The following NPAS3 variants were observed in gnomAD, a reference collection of about 807,000 sequenced individuals.
The protein encoded by NPAS3 is neuronal PAS domain protein 3.
Under a neutral mutation model 73.1 loss-of-function variants are expected in NPAS3, and 14 were observed. That is an observed-to-expected ratio of 0.19 (90% CI 0.13 to 0.30). The LOEUF is 0.30. Among genes scored for constraint, NPAS3 ranks in the 10% least tolerant of loss-of-function variants. The probability of loss-of-function intolerance (pLI) is 1.00; values close to 1 mark genes in which losing one functional copy is unlikely to be tolerated. For missense variants in NPAS3, 1,096 were observed against 1,250.0 expected (o/e 0.88, Z 1.86); for synonymous variants, 620 against 541.5 (o/e 1.14, Z -2.01).
At chr14:33,434,811 C>G (rs2048920037) in intron 4 of NPAS3, among the ~76,000 whole-genome samples, 1 of 152,238 alleles carries the variant, frequency 6.6e-6, no homozygotes, top group East Asian at 1.9e-4. Context: ...ATGAACGGAT[C>G]ATTCACTCTT....
chr14:33,138,571 C>T (rs1047069747), intron 2 of NPAS3, among the ~76,000 whole-genome samples: 1 of 152,144 alleles, frequency 6.6e-6, no homozygotes, highest in African/African-American at 2.4e-5. Context: ...ATTGTGCTTT[C>T]TCTCTGGTCC....
chr14:33,477,427 C>T (rs2051092654), intron 4 of NPAS3, among the ~76,000 whole-genome samples: 1 of 152,222 alleles, frequency 6.6e-6, no homozygotes, highest in South Asian at 2.1e-4. Flanking sequence ...CACCGTCCAT[C>T]CCTAACTCTG....
chr14:33,337,905 G>T (rs7160757), intron 3 of NPAS3, among the ~76,000 whole-genome samples: 1 of 151,614 alleles, frequency 6.6e-6, no homozygotes, highest in Non-Finnish European at 1.5e-5. Flanking sequence ...GTTGATTCTT[G>T]TATACTGATC....
At chr14:33,125,133 A>G (rs1263923305) in intron 2 of NPAS3, among the ~76,000 whole-genome samples, 1 of 152,102 alleles carries the variant, frequency 6.6e-6, no homozygotes, top group Non-Finnish European at 1.5e-5. Flanking sequence ...TTGACTTCTC[A>G]GTGCCCAGAC....
At chr14:33,783,548 T>C (rs1288616080) in intron 9 of NPAS3, among the ~76,000 whole-genome samples, 1 of 146,798 alleles carries the variant, frequency 6.8e-6, no homozygotes, top group Non-Finnish European at 1.5e-5. Flanking sequence ...GGCAGGTTTT[T>C]ATGCAGGGAT....
chr14:33,492,628 T>C (rs1423245347), intron 4 of NPAS3, among the ~76,000 whole-genome samples: 1 of 152,160 alleles, frequency 6.6e-6, no homozygotes, highest in African/African-American at 2.4e-5. Context: ...AGGATACACA[T>C]TGGACATGGT....
At chr14:33,070,192 A>C (rs1427159708) in intron 2 of NPAS3, among the ~76,000 whole-genome samples, 1 of 152,202 alleles carries the variant, frequency 6.6e-6, no homozygotes, top group Non-Finnish European at 1.5e-5. Flanking sequence ...TTTTTGACCA[A>C]ATACAGGAAA....
At chr14:33,312,642 T>C (rs1283780780) in intron 3 of NPAS3, among the ~76,000 whole-genome samples, 1 of 152,196 alleles carries the variant, frequency 6.6e-6, no homozygotes, top group South Asian at 2.1e-4. Flanking sequence ...ATTATACTTA[T>C]GGAATAAGTT....
intron 3 of NPAS3, among the ~76,000 whole-genome samples, chr14:33,365,928 T>C (rs1287903531): frequency 6.6e-6 from 1 of 152,092 alleles, no homozygotes; most frequent in African/African-American, 2.4e-5. Context: ...TTTCTAGAAG[T>C]AAGAAAGTAG....
intron 5 of NPAS3, among the ~76,000 whole-genome samples, chr14:33,566,757 T>C (rs1463187390): frequency 2.6e-5 from 4 of 152,232 alleles, no homozygotes; most frequent in Admixed American, 2.6e-4. Context: ...CTGTCATCTT[T>C]ACATAGAACC....
chr14:33,232,668 T>C (rs1365793485), intron 3 of NPAS3, among the ~76,000 whole-genome samples: 1 of 152,186 alleles, frequency 6.6e-6, no homozygotes, highest in Non-Finnish European at 1.5e-5. Context: ...CCCTTAGCTT[T>C]CGTCTACTTC....
At chr14:33,680,727 GGTGTGA>G in intron 6 of NPAS3, 1 of 684,882 alleles carries the variant, frequency 1.5e-6, no homozygotes, top group East Asian at 2.7e-5. Flanking sequence ...TTTTTGGGTG[GGTGTGA>G]GTTCATAGAG....
chr14:33,563,535 C>CAGAGAGAGAGAGAGAGAG (rs1276549335), intron 5 of NPAS3, among the ~76,000 whole-genome samples: 4 of 108,068 alleles, frequency 3.7e-5, no homozygotes, highest in South Asian at 5.6e-4. Context: ...CACACACACA[C>CAGAGAGAGAGAGAGAGAG]ACAGAGAGAG....
At chr14:33,571,241 A>G (rs2056197712) in intron 5 of NPAS3, among the ~76,000 whole-genome samples, 1 of 152,134 alleles carries the variant, frequency 6.6e-6, no homozygotes, top group African/African-American at 2.4e-5. Context: ...GTGACCTTGG[A>G]GCAGCTTGAA....
At chr14:33,668,719 T>TGAGA (rs2059526529) in intron 5 of NPAS3, among the ~76,000 whole-genome samples, 1 of 152,154 alleles carries the variant, frequency 6.6e-6, no homozygotes, top group South Asian at 2.1e-4. Context: ...CTCCAGAGGC[T>TGAGA]GAGACCGGAG....
intron 3 of NPAS3, among the ~76,000 whole-genome samples, chr14:33,309,819 C>T (rs969304733): frequency 2.6e-5 from 4 of 152,088 alleles, no homozygotes; most frequent in African/African-American, 9.7e-5. Flanking sequence ...TCTGCCTTCC[C>T]CTGGCATGTT....
chr14:33,302,052 A>C (rs1230973186), intron 3 of NPAS3, among the ~76,000 whole-genome samples: 1 of 152,156 alleles, frequency 6.6e-6, no homozygotes, highest in East Asian at 1.9e-4. Flanking sequence ...TTATTCACCA[A>C]TATATCTCAG....
intron 4 of NPAS3, among the ~76,000 whole-genome samples, chr14:33,418,912 C>A (rs2048264067): frequency 6.6e-6 from 1 of 151,908 alleles, no homozygotes. Flanking sequence ...TATTTTACTA[C>A]TGTCTACCAT....
chr14:33,697,297 G>C (rs1258746783), intron 6 of NPAS3, among the ~76,000 whole-genome samples: 1 of 152,156 alleles, frequency 6.6e-6, no homozygotes. Flanking sequence ...TTTGCCCCCA[G>C]GCAGCTTGGA....
Sources: gnomAD v4.1 joint callset for allele counts (sites outside exome capture counted in the v4.1 genomes callset) on GRCh38, gnomAD v4.1.1 for gene constraint, MANE v1.5 for transcripts, NCBI Gene and HGNC (gene_info 2026-07-23, HGNC 2026-07-21) for gene names.